CCDC69: variants seen among roughly 807,000 people sequenced by gnomAD.
The protein encoded by CCDC69 is coiled-coil domain-containing protein 69.
In CCDC69, 38 loss-of-function variants were observed where a neutral mutation model predicts 40.3. The observed-to-expected ratio is 0.94, with a 90% CI of 0.73 to 1.24. The LOEUF is 1.24. CCDC69 is among the 50% of genes most tolerant of loss of function. The pLI, the probability that CCDC69 is intolerant of heterozygous loss-of-function variation, is 0.00. For synonymous variants in CCDC69, 141 were observed against 138.9 expected (o/e 1.02, Z -0.11); for missense variants, 389 against 357.9 (o/e 1.09, Z -0.70).
chr5:151,187,466 G>A lies in CCDC69; in HGVS notation c.320-7C>T, dbSNP rs200423694. ...TCATATGAGGCCCGGAGGACTGTAG[G>A]GAAAGGAGAACTCCATAAGCTCAAG... On this transcript the variant is annotated splice_region_variant and splice_polypyrimidine_tract_variant and intron_variant, in intron 4 of 8. Coordinates refer to ENST00000355417, the MANE Select transcript of CCDC69 (RefSeq NM_015621.3). 1 of 1,611,194 alleles carries A rather than the reference G, an allele frequency of 6.2e-7. No individual in the cohort carries two copies. The highest frequency in any genetic ancestry group is 1.1e-5 in the South Asian group (1 of 90,992).
At chr5:151,203,072 C>T (rs371161233) in intron 2 of CCDC69, among the ~76,000 whole-genome samples, 11 of 152,054 alleles carry the variant, frequency 7.2e-5, no homozygotes, top group African/African-American at 2.4e-4. Context: ...ATGCTACAGA[C>T]GAGGAAGCTG....
At chr5:151,186,560 C>G (rs115995108) in intron 5 of CCDC69, among the ~76,000 whole-genome samples, 1 of 152,004 alleles carries the variant, frequency 6.6e-6, no homozygotes. Flanking sequence ...CAATGTCCTG[C>G]TATAAAAGAT....
Position 151,205,411 on chromosome 5 carries a change from T to C in CCDC69, c.113A>G (p.Asn38Ser), listed in dbSNP as rs370703202. 3.7e-6 allele frequency: 6 copies of C among 1,613,698 alleles called. No homozygotes were observed. The highest frequency in any genetic ancestry group is 2.7e-5 in the African/African-American group (2 of 74,902). Residue 38 changes from asparagine (N) to serine (S), a missense_variant, in exon 2 of 9, where the codon AAT becomes AGT. Asn to Ser is a conservative substitution (Grantham distance 46). Coordinates refer to ENST00000355417, the MANE Select transcript of CCDC69 (RefSeq NM_015621.3). ...GGCTGGCTACTCACCTGTGTCCCCATTGAGGGGACCTAATTCATGGGGCTC... is the reference window on the plus strand; with the variant it reads ...GGCTGGCTACTCACCTGTGTCCCCACTGAGGGGACCTAATTCATGGGGCTC... ...RPEPHELGPL[N>S]GDTAITVQLC...
Position 151,183,418 on chromosome 5 carries a change from T to C in CCDC69, c.*19A>G, listed in dbSNP as rs747804985. On this transcript the variant is annotated 3_prime_UTR_variant, in exon 9 of 9. Coordinates refer to ENST00000355417, the MANE Select transcript of CCDC69 (RefSeq NM_015621.3). The stretch of plus-strand genomic sequence containing the variant: ...GGAGCTGTGACTTCAGGCGTCGTGG[T>C]GGGCCCAGGCCCTGCACCCTATGTG... The C allele has an allele frequency of 6.3e-7, 1 of 1,592,472 alleles. No individual in the cohort carries two copies. Among genetic ancestry groups the C allele is most frequent in the East Asian group, 2.3e-5 (1 of 44,126 alleles).
intron 4 of CCDC69, among the ~76,000 whole-genome samples, chr5:151,196,378 C>T (rs982917137): frequency 2.0e-5 from 3 of 152,104 alleles, no homozygotes; most frequent in Non-Finnish European, 2.9e-5. Flanking sequence ...AGGCTGGTCT[C>T]GAACTCCTGA....
chr5:151,218,647 G>T (rs1753089218), intron 1 of CCDC69, among the ~76,000 whole-genome samples: 1 of 152,212 alleles, frequency 6.6e-6, no homozygotes. Flanking sequence ...CTCCTAACCA[G>T]AGTTTCACTG....
rs150024530 is a variant in CCDC69, at chr5:151,183,504, G to A, written c.824C>T (p.Ala275Val). The A allele has an allele frequency of 5.8e-5, 93 of 1,608,024 alleles. No homozygotes were observed. Among genetic ancestry groups the A allele is most frequent in the Non-Finnish European group, 7.8e-5 (92 of 1,178,030 alleles). Residue 275 changes from alanine to valine, a missense_variant, in exon 9 of 9, where the codon GCC (alanine) becomes GTC (valine). Transcript: ENST00000355417. ...KEELLYRVLG[A>V]NASPAFPLAP... ...CAGAGGGAAGGCAGGCGAGGCATTG[G>A]CCCCAAGGACCCGGTACAACAGCTC...
chr5:151,205,280 C>T, intron 2 of CCDC69, 120 bp downstream of exon 2: 1 of 832,808 alleles, frequency 1.2e-6, no homozygotes. Context: ...CACGATACTC[C>T]TATTAAGGTA....
In CCDC69 at chr5:151,200,836, C is replaced by G. The variant is rs537924260; in HGVS notation, c.231+746G>C. Among the ~76,000 whole-genome samples, 22 of 152,320 alleles carry G rather than the reference C, an allele frequency of 1.4e-4. No homozygotes were observed. In the South Asian group the frequency reaches 3.3e-3, roughly 23 times the overall value. ...CCTCCGTGTCATCCCTTTAGAGAAG[C>G]CTTCTCTGATCCCACAGCCTTGGTT... On this transcript the variant is annotated intron_variant, in intron 3 of 8. Transcript: ENST00000355417.
intron 1 of CCDC69, chr5:151,212,931 G>A (rs1318500242): frequency 2.0e-5 from 9 of 455,594 alleles, no homozygotes; most frequent in Non-Finnish European, 2.6e-5. Flanking sequence ...TGGTGGAAGT[G>A]AGCGCTCCAT....
intron 4 of CCDC69, among the ~76,000 whole-genome samples, chr5:151,196,543 A>G (rs139068333): frequency 9.2e-4 from 140 of 152,312 alleles, no homozygotes; most frequent in African/African-American, 3.3e-3. Flanking sequence ...AAGCATTTTC[A>G]AGGTCAATTT....
At chr5:151,183,693 T>A in intron 8 of CCDC69, 79 bp from the exon 9 acceptor site, 1 of 1,317,986 alleles carries the variant, frequency 7.6e-7, no homozygotes, top group Non-Finnish European at 1.0e-6. Flanking sequence ...CAGGAAGCCT[T>A]CCTTAGATGG....
rs1186549284 is a variant in CCDC69 at position 151,184,329 on chromosome 5, C to G, written c.713+15G>C. On this transcript the variant is annotated intron_variant, in intron 8 of 8. Transcript: ENST00000355417. ...AGGGTGGGGATGGGAGTAAAGGAGG[C>G]AGGAAGACAGCTACCTTGACAGGAC... 2 of 1,603,142 alleles carry G rather than the reference C, an allele frequency of 1.2e-6. No individual in the cohort carries two copies. The highest frequency in any genetic ancestry group is 1.7e-6 in the Non-Finnish European group (2 of 1,170,734).
At chr5:151,201,992 C>T (rs923094780) in intron 2 of CCDC69, among the ~76,000 whole-genome samples, 14 of 152,222 alleles carry the variant, frequency 9.2e-5, no homozygotes, top group African/African-American at 3.4e-4. Flanking sequence ...ACTTGGAGAT[C>T]CTCTTTCAAG....
At chr5:151,199,167 G>A in intron 3 of CCDC69, 83 bp from the exon 4 acceptor site, 1 of 1,132,304 alleles carries the variant, frequency 8.8e-7, no homozygotes, top group South Asian at 1.2e-5. Flanking sequence ...GGCCTACGTG[G>A]AACTTGGTGA....
At chr5:151,219,432 T>A (rs1753104990) in intron 1 of CCDC69, among the ~76,000 whole-genome samples, 1 of 151,868 alleles carries the variant, frequency 6.6e-6, no homozygotes, top group Non-Finnish European at 1.5e-5. Flanking sequence ...CAAGGGATGT[T>A]CATCAATTAC....
At chr5:151,205,371 T>A in intron 2 of CCDC69, 29 bp downstream of exon 2, 4 of 1,563,078 alleles carry the variant, frequency 2.6e-6, no homozygotes, top group Non-Finnish European at 3.5e-6. Flanking sequence ...CAGATGGCAG[T>A]TGGGGCCTTT....
intron 1 of CCDC69, chr5:151,215,580 G>A (rs1200157821): frequency 2.6e-6 from 1 of 378,226 alleles, no homozygotes; most frequent in African/African-American, 2.1e-5. Context: ...CAGGAAAGGA[G>A]GGTCCCTTGC....
chr5:151,203,999 T>A (rs1474996379), intron 2 of CCDC69, among the ~76,000 whole-genome samples: 1 of 149,954 alleles, frequency 6.7e-6, no homozygotes, highest in Admixed American at 6.7e-5. Flanking sequence ...CTGTGGTAGG[T>A]CCCTAGAATC....
Sources: gnomAD v4.1 joint callset for allele counts (sites outside exome capture counted in the v4.1 genomes callset) on GRCh38, gnomAD v4.1.1 for gene constraint, MANE v1.5 for transcripts, NCBI Gene and HGNC (gene_info 2026-07-23, HGNC 2026-07-21) for gene names.